ERC2: variants seen among roughly 807,000 people sequenced by gnomAD.
ERC2 encodes ELKS/RAB6-interacting/CAST family member 2, also known as ERC protein 2.
A neutral mutation model predicts 114.8 loss-of-function variants in ERC2; 42 were observed. The observed-to-expected ratio is 0.37, with a 90% CI of 0.29 to 0.47. The LOEUF is 0.47. Among genes scored for constraint, ERC2 ranks in the 20% least tolerant of loss-of-function variants. The pLI, the probability that ERC2 is intolerant of heterozygous loss-of-function variation, is 0.99. For missense variants in ERC2, 939 were observed against 1,150.7 expected (o/e 0.82, Z 2.66); for synonymous variants, 454 against 425.5 (o/e 1.07, Z -0.82).
At chr3:56,393,347 G>A (rs985559304) in intron 2 of ERC2, among the ~76,000 whole-genome samples, 7 of 152,220 alleles carry the variant, frequency 4.6e-5, no homozygotes, top group Admixed American at 2.6e-4. Flanking sequence ...GTAGTTAGCC[G>A]AGATCATACC....
chr3:55,907,974 G>A (rs187323622), intron 13 of ERC2, among the ~76,000 whole-genome samples: 6 of 152,226 alleles, frequency 3.9e-5, no homozygotes, highest in African/African-American at 1.2e-4. Flanking sequence ...AAACAAAGAG[G>A]GGACGATACA....
chr3:55,643,449 C>T (rs1334012269), intron 17 of ERC2, among the ~76,000 whole-genome samples: 2 of 152,160 alleles, frequency 1.3e-5, no homozygotes, highest in East Asian at 3.9e-4. Flanking sequence ...TTTCAAGGGA[C>T]TTGCCATTAC....
At chr3:56,205,998 G>A (rs758652127) in intron 3 of ERC2, among the ~76,000 whole-genome samples, 18 of 152,190 alleles carry the variant, frequency 1.2e-4, no homozygotes, top group Admixed American at 2.6e-4. Flanking sequence ...GTTACTCACC[G>A]TTGTCCTTTC....
At chr3:55,699,261 T>G in intron 16 of ERC2, 117 bp downstream of exon 16, 2 of 1,285,034 alleles carry the variant, frequency 1.6e-6, no homozygotes, top group Non-Finnish European at 2.2e-6. Context: ...GCTATTAGTT[T>G]CAGTTCAAAG....
chr3:55,599,099 C>A (rs1044133048), intron 17 of ERC2, among the ~76,000 whole-genome samples: 1 of 152,334 alleles, frequency 6.6e-6, no homozygotes, highest in East Asian at 1.9e-4. Flanking sequence ...GCAGACTCCT[C>A]CACCTAAGTG....
In ERC2 at chr3:56,007,244, A is replaced by C; in HGVS notation, c.1998T>G (p.Ser666=). 1 of 1,587,614 alleles carries C rather than the reference A, an allele frequency of 6.3e-7. No individual in the cohort carries two copies. Among genetic ancestry groups the C allele is most frequent in the Non-Finnish European group, 8.6e-7 (1 of 1,165,542 alleles). The change falls in exon 10 of 18, where the codon TCT becomes TCG. Residue 666 remains serine, a synonymous_variant. Coordinates refer to ENST00000288221, the MANE Select transcript of ERC2 (RefSeq NM_015576.3). The part of the protein sequence containing the change: ...AGLKRDSKLK[S]LEIAIEQKKE... ...TCTTTTGTTCAATGGCTATTTCTAG[A>C]GATTTTAATTTGGAATCCCTTTTCA...
At chr3:55,679,275 G>C (rs1559490165) in intron 17 of ERC2, among the ~76,000 whole-genome samples, 2 of 152,186 alleles carry the variant, frequency 1.3e-5, no homozygotes, top group South Asian at 2.1e-4. Flanking sequence ...GCTTTTGCAT[G>C]CCTCCCGGGA....
intron 14 of ERC2, among the ~76,000 whole-genome samples, chr3:55,834,364 A>G (rs2060771733): frequency 6.6e-6 from 1 of 152,202 alleles, no homozygotes; most frequent in South Asian, 2.1e-4. Context: ...TTGGAAGTAA[A>G]GCTCTCCTCA....
chr3:56,295,747 A>T (rs993297238), intron 3 of ERC2, among the ~76,000 whole-genome samples: 4 of 152,238 alleles, frequency 2.6e-5, no homozygotes, highest in Admixed American at 2.6e-4. Context: ...CCTGTGGGAA[A>T]GCAATTGTTT....
intron 17 of ERC2, among the ~76,000 whole-genome samples, chr3:55,539,614 A>G (rs1044909060): frequency 1.3e-5 from 2 of 150,210 alleles, no homozygotes; most frequent in African/African-American, 4.9e-5. Flanking sequence ...ATTTTAGTAG[A>G]GACAGGGTTT....
chr3:56,379,192 A>G (rs1317369309), intron 2 of ERC2, among the ~76,000 whole-genome samples: 3 of 152,198 alleles, frequency 2.0e-5, no homozygotes, highest in Admixed American at 2.0e-4. Context: ...CTGAGTATTG[A>G]GTATACCATA....
intron 3 of ERC2, among the ~76,000 whole-genome samples, chr3:56,186,114 T>TAAAAAAAAAAAAAAAAAAAAAAAA (rs201544979): frequency 5.9e-5 from 6 of 102,536 alleles, no homozygotes; most frequent in Admixed American, 3.2e-4. Context: ...TCAAGAACCT[T>TAAAAAAAAAAAAAAAAAAAAAAAA]AAAAAAAAAA....
At chr3:56,188,120 G>A (rs546410963) in intron 3 of ERC2, among the ~76,000 whole-genome samples, 3 of 152,248 alleles carry the variant, frequency 2.0e-5, no homozygotes, top group Admixed American at 2.0e-4. Flanking sequence ...GGATCCCTGA[G>A]GTGTCTTCTT....
At chr3:56,294,770 C>T (rs1265155235) in intron 3 of ERC2, among the ~76,000 whole-genome samples, 4 of 152,144 alleles carry the variant, frequency 2.6e-5, no homozygotes, top group Non-Finnish European at 4.4e-5. Context: ...TTATTGGAGG[C>T]CATCTTGGAA....
chr3:56,195,878 T>C (rs1287594854), intron 3 of ERC2, among the ~76,000 whole-genome samples: 1 of 151,962 alleles, frequency 6.6e-6, no homozygotes, highest in African/African-American at 2.4e-5. Context: ...TGAGGAAGTC[T>C]ACTGTCTGCA....
chr3:55,835,590 G>A (rs1361126750), intron 14 of ERC2, among the ~76,000 whole-genome samples: 3 of 152,048 alleles, frequency 2.0e-5, no homozygotes, highest in Non-Finnish European at 2.9e-5. Flanking sequence ...TTAGGTATTG[G>A]TGGGATGTAT....
chr3:56,285,009 TCTCACACA>T (rs1560520748), intron 3 of ERC2, among the ~76,000 whole-genome samples: 1 of 128,492 alleles, frequency 7.8e-6, no homozygotes. Context: ...TCTCTCTCTC[TCTCACACA>T]CACACACACA....
rs1021535857 is a variant in ERC2 at position 55,817,427 on chromosome 3, C to A, written c.2564+70962G>T. 3.9e-5 allele frequency among the ~76,000 whole-genome samples: 6 copies of A among 152,356 alleles called. No homozygotes were observed. The East Asian group carries it at 1.2e-3, about 29-fold the overall frequency. ...GTGCCACAGCATCCCCAATTGGACA[C>A]TCCTGAGAGTTCACCCAAGGGATGG... On this transcript the variant is annotated intron_variant, in intron 14 of 17. Coordinates refer to ENST00000288221, the MANE Select transcript of ERC2 (RefSeq NM_015576.3).
chr3:56,366,560 A>G (rs897273015), intron 2 of ERC2, among the ~76,000 whole-genome samples: 1 of 152,106 alleles, frequency 6.6e-6, no homozygotes, highest in Non-Finnish European at 1.5e-5. Context: ...TTCTCTGGGC[A>G]TTGAGTTCTT....
Sources: gnomAD v4.1 joint callset for allele counts (sites outside exome capture counted in the v4.1 genomes callset) on GRCh38, gnomAD v4.1.1 for gene constraint, MANE v1.5 for transcripts, NCBI Gene and HGNC (gene_info 2026-07-23, HGNC 2026-07-21) for gene names.